The following ADAMTS17 variants were observed in gnomAD, a reference collection of about 807,000 sequenced individuals.
ADAMTS17 encodes the protein A disintegrin and metalloproteinase with thrombospondin motifs 17.
ADAMTS17 carries 113 observed loss-of-function variants against 141.5 expected under a neutral mutation model. That is an observed-to-expected ratio of 0.80 (90% confidence interval 0.69 to 0.93). ADAMTS17 has a LOEUF of 0.93. Among genes scored for constraint, ADAMTS17 ranks in the 40% least tolerant of loss-of-function variants. The probability of loss-of-function intolerance (pLI) is 0.00; values close to 1 mark genes in which losing one functional copy is unlikely to be tolerated. For synonymous variants in ADAMTS17, 768 were observed against 630.6 expected (o/e 1.22, Z -3.27); for missense variants, 1,659 against 1,517.9 (o/e 1.09, Z -1.54).
intron 18 of ADAMTS17, among the ~76,000 whole-genome samples, chr15:100,012,540 C>T (rs534488440): frequency 3.2e-4 from 49 of 152,230 alleles, no homozygotes; most frequent in Admixed American, 5.9e-4. Context: ...GTCCTTAATC[C>T]GTCTTGAGTT....
At chr15:100,177,350 A>G (rs1343538666) in intron 8 of ADAMTS17, among the ~76,000 whole-genome samples, 1 of 152,030 alleles carries the variant, frequency 6.6e-6, no homozygotes, top group East Asian at 1.9e-4. Context: ...ATGGGTTTTC[A>G]TTTTCATTCC....
At chr15:100,293,784 T>G (rs1187855276) in intron 3 of ADAMTS17, among the ~76,000 whole-genome samples, 1 of 152,346 alleles carries the variant, frequency 6.6e-6, no homozygotes, top group Non-Finnish European at 1.5e-5. Flanking sequence ...CACCTAGCAC[T>G]GTGTGGTTTA....
chr15:100,337,137 G>C (rs1484013011), intron 2 of ADAMTS17, among the ~76,000 whole-genome samples: 1 of 152,222 alleles, frequency 6.6e-6, no homozygotes, highest in East Asian at 1.9e-4. Flanking sequence ...GCCTTCCAAA[G>C]TGCTGGGATT....
chr15:100,111,559 C>T (rs1188646457), intron 13 of ADAMTS17, among the ~76,000 whole-genome samples: 1 of 152,238 alleles, frequency 6.6e-6, no homozygotes, highest in African/African-American at 2.4e-5. Context: ...CAGCCCCCAG[C>T]GTGGAGTCTA....
chr15:100,235,090 G>A (rs944965837), intron 7 of ADAMTS17, among the ~76,000 whole-genome samples: 7 of 152,264 alleles, frequency 4.6e-5, no homozygotes, highest in South Asian at 2.1e-4. Flanking sequence ...CTGCCTCAGC[G>A]ATTCGAGAAC....
At chr15:100,123,611 G>C (rs753894388) in intron 12 of ADAMTS17, among the ~76,000 whole-genome samples, 1 of 152,228 alleles carries the variant, frequency 6.6e-6, no homozygotes, top group Non-Finnish European at 1.5e-5. Flanking sequence ...TAAAACAGCC[G>C]ACACGCCCAG....
chr15:100,184,317 C>T (rs577762572), intron 8 of ADAMTS17, among the ~76,000 whole-genome samples: 5 of 152,280 alleles, frequency 3.3e-5, no homozygotes, highest in African/African-American at 1.2e-4. Context: ...CCTCCAGGTG[C>T]CCCAATCGGT....
intron 3 of ADAMTS17, among the ~76,000 whole-genome samples, chr15:100,293,325 C>A (rs945323218): frequency 6.6e-6 from 1 of 152,134 alleles, no homozygotes; most frequent in Non-Finnish European, 1.5e-5. Context: ...GGCAGGTGGT[C>A]CTGTTTTTTA....
At chr15:100,219,145 C>A (rs2042057245) in intron 7 of ADAMTS17, among the ~76,000 whole-genome samples, 3 of 152,260 alleles carry the variant, frequency 2.0e-5, no homozygotes, top group South Asian at 2.1e-4. Flanking sequence ...CCAGAACAGG[C>A]AAATCCATGG....
chr15:100,068,087 G>A (rs1268928415), intron 15 of ADAMTS17, among the ~76,000 whole-genome samples: 1 of 152,104 alleles, frequency 6.6e-6, no homozygotes, highest in Non-Finnish European at 1.5e-5. Flanking sequence ...CTTAGCAAAC[G>A]GCACGCCAGG....
chr15:100,323,967 T>A (rs76732549), intron 3 of ADAMTS17, among the ~76,000 whole-genome samples: 4,898 of 149,800 alleles, frequency 0.033, 137 homozygotes, highest in Middle Eastern at 0.052. Context: ...GCCAGAGCCA[T>A]GATAGTGGGT....
At chr15:100,153,119 G>A (rs2039265702) in intron 9 of ADAMTS17, among the ~76,000 whole-genome samples, 1 of 152,154 alleles carries the variant, frequency 6.6e-6, no homozygotes, top group Non-Finnish European at 1.5e-5. Context: ...ATGGCTTTGA[G>A]CAAAAACTAT....
At chr15:100,277,181 G>C (rs750870669) in intron 4 of ADAMTS17, among the ~76,000 whole-genome samples, 22 of 152,100 alleles carry the variant, frequency 1.4e-4, no homozygotes, top group Non-Finnish European at 2.5e-4. Context: ...GCCTCCTCAG[G>C]AAACATCTCA....
intron 18 of ADAMTS17, among the ~76,000 whole-genome samples, chr15:100,017,062 T>C (rs2061305285): frequency 6.6e-6 from 1 of 151,868 alleles, no homozygotes; most frequent in South Asian, 2.1e-4. Flanking sequence ...GGGGATGGGG[T>C]TGAGGTTCCC....
chr15:100,201,131 T>C (rs573551872), intron 7 of ADAMTS17, among the ~76,000 whole-genome samples: 2 of 152,328 alleles, frequency 1.3e-5, no homozygotes, highest in South Asian at 2.1e-4. Flanking sequence ...AGTTCAGCCA[T>C]ACACAGGGTG....
At chr15:99,996,027 T>G (rs2060794170) in intron 19 of ADAMTS17, among the ~76,000 whole-genome samples, 1 of 152,018 alleles carries the variant, frequency 6.6e-6, no homozygotes, top group African/African-American at 2.4e-5. Flanking sequence ...GAAGCATTGT[T>G]TTCCCCCATA....
chr15:100,020,383 C>T (rs2061381923), intron 18 of ADAMTS17, among the ~76,000 whole-genome samples: 2 of 152,224 alleles, frequency 1.3e-5, no homozygotes, highest in Admixed American at 1.3e-4. Flanking sequence ...CCCTCAGCAA[C>T]TGTGTTCGAA....
At chr15:100,064,691 G>C (rs1315739755) in intron 15 of ADAMTS17, among the ~76,000 whole-genome samples, 1 of 152,162 alleles carries the variant, frequency 6.6e-6, no homozygotes, top group Non-Finnish European at 1.5e-5. Context: ...AGAGTAGGGG[G>C]CCAGGACGGC....
chr15:100,001,390 G>T (rs924999938), intron 18 of ADAMTS17, among the ~76,000 whole-genome samples: 1 of 150,170 alleles, frequency 6.7e-6, no homozygotes, highest in South Asian at 2.1e-4. Context: ...AGTGGTTGGA[G>T]CACAGAGAAT....
Sources: allele counts gnomAD v4.1 joint callset (sites outside exome capture counted in the v4.1 genomes callset), GRCh38; gene constraint gnomAD v4.1.1; transcripts MANE v1.5; gene names NCBI Gene and HGNC (gene_info 2026-07-23, HGNC 2026-07-21).